Variants in B3GLCT observed in about 807,000 individuals in gnomAD.
The protein encoded by B3GLCT is beta-1,3-glucosyltransferase.
Under a neutral mutation model 63.4 loss-of-function variants are expected in B3GLCT, and 65 were observed. That is an observed-to-expected ratio of 1.03 (90% confidence interval 0.84 to 1.26). B3GLCT has a LOEUF of 1.26. Among genes scored for constraint, B3GLCT ranks in the 50% most tolerant of loss-of-function variants. The probability of loss-of-function intolerance (pLI) is 0.00; values close to 1 mark genes in which losing one functional copy is unlikely to be tolerated. For synonymous variants in B3GLCT, 233 were observed against 219.2 expected, an observed-to-expected ratio of 1.06 and a Z score of -0.55; for missense variants, 577 against 604.8, an observed-to-expected ratio of 0.95 and a Z score of 0.48.
rs1336827617 is a variant in B3GLCT, at chr13:31,284,723, T to C, written c.926T>C (p.Ile309Thr). ...TATAGTGACTATACTGAAAATTCCATTCCTACTGTGGATTTGGGAATTCCT... is the reference window on the plus strand; with the variant it reads ...TATAGTGACTATACTGAAAATTCCACTCCTACTGTGGATTTGGGAATTCCT... ...EYYSDYTENSIPTVDLGIPNT... is the reference protein window; with the variant it reads ...EYYSDYTENSTPTVDLGIPNT... The change falls in exon 11 of 15, where the codon ATT (isoleucine) becomes ACT (threonine). Residue 309 changes from isoleucine to threonine, a missense_variant. Transcript: ENST00000343307. 4 of 1,608,474 alleles carry C rather than the reference T, an allele frequency of 2.5e-6. No homozygotes were observed. The highest frequency in any genetic ancestry group is 3.4e-6 in the Non-Finnish European group (4 of 1,174,998).
Position 31,308,907 on chromosome 13 carries a change from G to T in B3GLCT, c.1065-8659G>T, listed in dbSNP as rs78427543. On this transcript the variant is annotated intron_variant, in intron 12 of 14. Transcript: ENST00000343307. Reference sequence around the variant, plus strand: ...TCACTGAAATCTAAGTTTGGTGTATGTAGTGTCACGGTCTAACCCAGCACT... The same window carrying T: ...TCACTGAAATCTAAGTTTGGTGTATTTAGTGTCACGGTCTAACCCAGCACT... Among the ~76,000 whole-genome samples the T allele has an allele frequency of 6.6e-3, 1,003 of 152,306 alleles. 14 individuals are homozygous for T. The highest frequency in any genetic ancestry group is 0.023 in the African/African-American group (972 of 41,554).
intron 3 of B3GLCT, among the ~76,000 whole-genome samples, chr13:31,225,151 C>T (rs955829761): frequency 6.6e-6 from 1 of 152,214 alleles, no homozygotes; most frequent in Non-Finnish European, 1.5e-5. Context: ...TTGTCAGGCA[C>T]TTAGTGTGCG....
In B3GLCT at chr13:31,284,807, TG is replaced by T. The variant is rs775268382; in HGVS notation, c.964+47del. On this transcript the variant is annotated intron_variant, in intron 11 of 14. Coordinates refer to ENST00000343307, the MANE Select transcript of B3GLCT (RefSeq NM_194318.4). The stretch of plus-strand genomic sequence containing the variant: ...CTCTCCTTATTAAACATTGCCATTC[TG>T]TAAATACAGTAAATTAGGTTAGGAT... 3 of 1,045,552 alleles carry T rather than the reference TG, an allele frequency of 2.9e-6. No individual in the cohort carries two copies. The African/African-American group carries it at 4.7e-5, about 16-fold the overall frequency. The allele number at this position is 1,045,552 out of a possible 1,614,324, so 64.8% of individuals were successfully genotyped here.
chr13:31,242,086 A>G (rs1870978107), intron 4 of B3GLCT, among the ~76,000 whole-genome samples: 1 of 152,172 alleles, frequency 6.6e-6, no homozygotes, highest in Non-Finnish European at 1.5e-5. Flanking sequence ...TTTTGCAGAG[A>G]GGAAACTGAG....
At chr13:31,251,554 A>G (rs1871427920) in intron 6 of B3GLCT, among the ~76,000 whole-genome samples, 1 of 152,226 alleles carries the variant, frequency 6.6e-6, no homozygotes, top group Non-Finnish European at 1.5e-5. Flanking sequence ...ACACAGCACA[A>G]GCACTTTGTG....
chr13:31,274,626 T>C lies in B3GLCT; in HGVS notation c.778T>C (p.Cys260Arg), dbSNP rs1398910643. The change falls in exon 9 of 15, where the codon TGT (cysteine) becomes CGT (arginine). Residue 260 changes from cysteine (C) to arginine (R), a missense_variant and splice_region_variant. Physicochemically the swap from Cys to Arg is radical, Grantham distance 180. Transcript: ENST00000343307. ...ATTFHSFLPL[C>R]RKPVKKKDIF... ...CACATTCCATTCTTTTCTACCGCTT[T>C]GTGTGAGTAACAGAAGAAAAACTTC... is the stretch of plus-strand genomic sequence containing the variant. 1.2e-6 allele frequency: 2 copies of C among 1,614,220 alleles called. No individual in the cohort carries two copies. The highest frequency in any genetic ancestry group is 2.2e-5 in the South Asian group (2 of 91,092).
At chr13:31,253,615 A>G (rs1374815758) in intron 6 of B3GLCT, among the ~76,000 whole-genome samples, 1 of 139,738 alleles carries the variant, frequency 7.2e-6, no homozygotes, top group Non-Finnish European at 1.5e-5. Flanking sequence ...AAAAAAAAAA[A>G]AAAAAACTAG....
chr13:31,301,986 C>G (rs2137908532), intron 12 of B3GLCT, among the ~76,000 whole-genome samples: 1 of 152,290 alleles, frequency 6.6e-6, no homozygotes, highest in South Asian at 2.1e-4. Flanking sequence ...CTCTTACTTT[C>G]ATTCCTATGA....
chr13:31,272,324 G>A (rs528987929), intron 8 of B3GLCT, among the ~76,000 whole-genome samples: 4 of 150,002 alleles, frequency 2.7e-5, no homozygotes, highest in South Asian at 2.1e-4. Context: ...CAAGCAGTTC[G>A]CTGCCTTAGC....
chr13:31,310,895 T>C (rs1406476239), intron 12 of B3GLCT, among the ~76,000 whole-genome samples: 2 of 152,174 alleles, frequency 1.3e-5, no homozygotes, highest in Non-Finnish European at 2.9e-5. Context: ...AGCCCAGCTA[T>C]GGGCTGAGCA....
At chr13:31,200,239 G>C (rs1868568137) in intron 1 of B3GLCT, 85 bp downstream of exon 1, 2 of 868,624 alleles carry the variant, frequency 2.3e-6, no homozygotes, top group South Asian at 5.2e-5. Flanking sequence ...CGCGGGGAGG[G>C]AGGCGCAGGG....
In B3GLCT at chr13:31,247,025, G is replaced by A. The variant is rs370425638; in HGVS notation, c.273G>A (p.Glu91=). Residue 91 remains glutamate (E), a splice_region_variant and synonymous_variant, in exon 5 of 15, where the codon GAG becomes GAA. Coordinates refer to ENST00000343307, the MANE Select transcript of B3GLCT (RefSeq NM_194318.4). ...ILKQAADLTQ[E]LPSVLLLHQL... is the part of the protein sequence containing the mutation. The stretch of plus-strand genomic sequence containing the variant: ...TTCTTTGATCATTGTTTTCTCAGGA[G>A]CTCCCCAGTGTCCTCCTCCTTCATC... 1 of 1,607,536 alleles carries A rather than the reference G, an allele frequency of 6.2e-7. No individual in the cohort carries two copies.
chr13:31,312,740 T>C (rs1413707593), intron 12 of B3GLCT: 4 of 152,182 alleles, frequency 2.6e-5, no homozygotes, highest in African/African-American at 9.7e-5. Context: ...ATAAGACTAA[T>C]AAAACTGAGT....
intron 4 of B3GLCT, among the ~76,000 whole-genome samples, chr13:31,236,822 G>A (rs1039099742): frequency 5.9e-5 from 9 of 152,204 alleles, no homozygotes; most frequent in African/African-American, 1.4e-4. Flanking sequence ...TCCATGAATA[G>A]CACTTTAGAG....
intron 6 of B3GLCT, among the ~76,000 whole-genome samples, chr13:31,248,363 G>T (rs1593271781): frequency 6.6e-6 from 1 of 152,202 alleles, no homozygotes. Context: ...GAGCACTGTG[G>T]ATGGCGGAGG....
chr13:31,216,574 G>C (rs1345836851), intron 2 of B3GLCT, among the ~76,000 whole-genome samples: 2 of 152,006 alleles, frequency 1.3e-5, no homozygotes, highest in South Asian at 2.1e-4. Flanking sequence ...TACCCAATAG[G>C]TAGTTTTTCA....
At chr13:31,260,197 G>A (rs911478015) in intron 6 of B3GLCT, among the ~76,000 whole-genome samples, 1 of 152,190 alleles carries the variant, frequency 6.6e-6, no homozygotes, top group East Asian at 1.9e-4. Context: ...TCCTTTGACG[G>A]CTCTTCCTCA....
chr13:31,278,968 T>C (rs1872927441), intron 10 of B3GLCT, among the ~76,000 whole-genome samples: 1 of 152,188 alleles, frequency 6.6e-6, no homozygotes, highest in East Asian at 1.9e-4. Flanking sequence ...AGCCAAAGAC[T>C]TGGGTTTTCT....
chr13:31,212,740 A>C (rs1869335601), intron 1 of B3GLCT, among the ~76,000 whole-genome samples: 1 of 152,190 alleles, frequency 6.6e-6, no homozygotes, highest in Non-Finnish European at 1.5e-5. Flanking sequence ...CAAAGTCATG[A>C]GTTAGTTTGA....
Sources: gnomAD v4.1 joint callset for allele counts (sites outside exome capture counted in the v4.1 genomes callset) on GRCh38, gnomAD v4.1.1 for gene constraint, MANE v1.5 for transcripts, NCBI Gene and HGNC (gene_info 2026-07-23, HGNC 2026-07-21) for gene names.